EPS15L1: variants seen among roughly 807,000 people sequenced by gnomAD.
The protein encoded by EPS15L1 is epidermal growth factor receptor pathway substrate 15 like 1.
In EPS15L1, 43 loss-of-function variants were observed where a neutral mutation model predicts 117.1. The ratio of observed to expected loss-of-function variants is 0.37; its 90% CI spans 0.29 to 0.47. The LOEUF (loss-of-function observed/expected upper bound fraction) is 0.47. EPS15L1 is among the 20% of genes least tolerant of loss of function. The probability of loss-of-function intolerance (pLI) is 0.99; values close to 1 mark genes in which losing one functional copy is unlikely to be tolerated. For missense variants in EPS15L1, 981 were observed against 1,164.0 expected, an observed-to-expected ratio of 0.84 and a Z score of 2.29; for synonymous variants, 459 against 470.5, an observed-to-expected ratio of 0.98 and a Z score of 0.32.
intron 19 of EPS15L1, among the ~76,000 whole-genome samples, chr19:16,388,904 TAAAC>T (rs997001612): frequency 5.3e-5 from 8 of 151,724 alleles, no homozygotes; most frequent in African/African-American, 1.2e-4. Context: ...AAAAACACAC[TAAAC>T]AAACAAACAA....
At chr19:16,401,145 A>C in intron 16 of EPS15L1, 5 of 985,344 alleles carry the variant, frequency 5.1e-6, no homozygotes, top group African/African-American at 1.7e-5. Flanking sequence ...TATGGAAACC[A>C]CCTCATTACG....
chr19:16,396,209 G>A (rs1179614298), intron 16 of EPS15L1, among the ~76,000 whole-genome samples: 1 of 152,204 alleles, frequency 6.6e-6, no homozygotes, highest in Non-Finnish European at 1.5e-5. Context: ...TATATATGAT[G>A]TGACTAACAG....
Position 16,413,813 on chromosome 19 carries a change from T to C in EPS15L1, c.1226A>G (p.Glu409Gly). 6.2e-7 allele frequency: 1 copy of C among 1,613,934 alleles called. No homozygotes were observed. Among genetic ancestry groups the C allele is most frequent in the Non-Finnish European group, 8.5e-7 (1 of 1,179,806 alleles). The change falls in exon 13 of 24, where the codon GAA becomes GGA. Residue 409 changes from glutamate (E) to glycine (G), a missense_variant. This residue lies in a region of EPS15L1 where 819 missense variants were observed against 949.0 expected (regional missense o/e 0.86). Transcript: ENST00000455140. ...EKYSLEQDIR[E>G]KEEAIRQKTS... Reference sequence around the variant, plus strand: ...TTTCTGTCTGATTGCCTCTTCCTTTTCTCGAATGTCTTGTTCCAGTGAATA... The same window carrying C: ...TTTCTGTCTGATTGCCTCTTCCTTTCCTCGAATGTCTTGTTCCAGTGAATA...
Position 16,466,591 on chromosome 19 carries a change from A to G in EPS15L1, c.33+5322T>C, listed in dbSNP as rs141209515. Reference sequence around the variant, plus strand: ...TGCCAAATAAATACTCACTGAACGAACAGTGTGATCTACAAAAGGCAGGCA... The same window carrying G: ...TGCCAAATAAATACTCACTGAACGAGCAGTGTGATCTACAAAAGGCAGGCA... On this transcript the variant is annotated intron_variant, in intron 1 of 23. Transcript: ENST00000455140. Among the ~76,000 whole-genome samples, 668 of 152,268 alleles carry G rather than the reference A, an allele frequency of 4.4e-3. 6 individuals are homozygous for G. The highest frequency in any genetic ancestry group is 0.015 in the African/African-American group (625 of 41,562).
At chr19:16,397,147 T>C (rs944096385) in intron 16 of EPS15L1, among the ~76,000 whole-genome samples, 1 of 152,106 alleles carries the variant, frequency 6.6e-6, no homozygotes, top group Non-Finnish European at 1.5e-5. Flanking sequence ...TGGAGTGCAG[T>C]GGCGTGATCT....
chr19:16,467,150 CTT>C (rs958708091), intron 1 of EPS15L1, among the ~76,000 whole-genome samples: 18 of 140,486 alleles, frequency 1.3e-4, no homozygotes, highest in East Asian at 2.1e-4. Context: ...CTTTTCTTTT[CTT>C]TTTTTTTTTT....
upstream of EPS15L1, chr19:16,471,984 G>T (rs933796479): frequency 7.9e-7 from 1 of 1,258,724 alleles, no homozygotes; most frequent in Admixed American, 4.2e-5. The surrounding 1 kb of genome is among the most constrained non-coding windows in gnomAD (Gnocchi z 4.8). Context: ...GGGGGAACGG[G>T]GGCGGGGCTG....
At chr19:16,437,931 C>CT in intron 4 of EPS15L1, 66 bp from the exon 5 acceptor site, 2 of 1,225,108 alleles carry the variant, frequency 1.6e-6, no homozygotes. Context: ...GGAGCTGTCT[C>CT]TAACAGCAGG....
intron 1 of EPS15L1, among the ~76,000 whole-genome samples, chr19:16,463,847 G>T (rs1343279699): frequency 6.6e-6 from 1 of 152,240 alleles, no homozygotes; most frequent in East Asian, 1.9e-4. Context: ...CAGCTGATAT[G>T]AAAAGGTGTA....
At chr19:16,428,067 G>T (rs2092890105) in intron 8 of EPS15L1, among the ~76,000 whole-genome samples, 1 of 150,176 alleles carries the variant, frequency 6.7e-6, no homozygotes, top group Admixed American at 6.7e-5. Flanking sequence ...TGGGCATAGT[G>T]GCAGGTGCCT....
chr19:16,374,066 C>T (rs2092261629), intron 22 of EPS15L1, among the ~76,000 whole-genome samples: 1 of 152,222 alleles, frequency 6.6e-6, no homozygotes, highest in Non-Finnish European at 1.5e-5. Context: ...AGAGAATGTT[C>T]TGAAGCTCAT....
intron 22 of EPS15L1, among the ~76,000 whole-genome samples, chr19:16,367,937 G>T (rs74480758): frequency 6.6e-6 from 1 of 151,722 alleles, no homozygotes; most frequent in Non-Finnish European, 1.5e-5. Context: ...CAATCAATCC[G>T]ATTAATAAAA....
At chr19:16,459,315 G>C (rs2093226605) in intron 1 of EPS15L1, among the ~76,000 whole-genome samples, 1 of 152,140 alleles carries the variant, frequency 6.6e-6, no homozygotes, top group African/African-American at 2.4e-5. Context: ...CCCAAACTTT[G>C]ACAAGGGACA....
At chr19:16,426,436 C>G (rs1041339453) in intron 8 of EPS15L1, among the ~76,000 whole-genome samples, 3 of 152,148 alleles carry the variant, frequency 2.0e-5, no homozygotes, top group African/African-American at 7.2e-5. Flanking sequence ...GAGTTCAAGA[C>G]CAGCCTGGCC....
chr19:16,447,146 C>CT (rs2093091552), intron 1 of EPS15L1, among the ~76,000 whole-genome samples: 1 of 152,186 alleles, frequency 6.6e-6, no homozygotes. Context: ...GTGAGATAAC[C>CT]TGGCTCAGTC....
chr19:16,409,820 C>A (rs548278380), intron 13 of EPS15L1, among the ~76,000 whole-genome samples: 1 of 151,936 alleles, frequency 6.6e-6, no homozygotes, highest in African/African-American at 2.4e-5. Context: ...CACCTATAAT[C>A]CCAGCTACTT....
At chr19:16,357,165 G>A (rs926784786) in intron 23 of EPS15L1, 9 of 152,294 alleles carry the variant, frequency 5.9e-5, no homozygotes, top group Admixed American at 3.3e-4. Context: ...TCCACCACAC[G>A]CAGCACTAGG....
chr19:16,447,500 C>T (rs4808511), intron 1 of EPS15L1, among the ~76,000 whole-genome samples: 63 of 152,318 alleles, frequency 4.1e-4, no homozygotes, highest in Middle Eastern at 3.4e-3. Context: ...TGGCTCACAC[C>T]TGTAATCCCA....
At chr19:16,459,750 A>G (rs1041232667) in intron 1 of EPS15L1, among the ~76,000 whole-genome samples, 1 of 152,184 alleles carries the variant, frequency 6.6e-6, no homozygotes, top group Admixed American at 6.5e-5. Flanking sequence ...TTCCTGAGAC[A>G]GGGGAGCAGG....
Sources: gnomAD v4.1 joint callset for allele counts (sites outside exome capture counted in the v4.1 genomes callset) on GRCh38, gnomAD v4.1.1 for gene constraint, gnomAD v4.1.1 regional missense constraint, Gnocchi (gnomAD v3.1) non-coding constraint, MANE v1.5 for transcripts, NCBI Gene and HGNC (gene_info 2026-07-23, HGNC 2026-07-21) for gene names.